Variants in ATP2C2 observed in about 807,000 individuals in gnomAD.
The protein encoded by ATP2C2 is ATPase secretory pathway Ca2+ transporting 2.
Under a neutral mutation model 110.8 loss-of-function variants are expected in ATP2C2, and 171 were observed. The observed-to-expected ratio is 1.54, with a 90% CI of 1.36 to 1.75. The LOEUF (loss-of-function observed/expected upper bound fraction) is 1.75. Ranked by LOEUF, ATP2C2 falls within the 40% of genes most tolerant of loss-of-function variation. ATP2C2 has a pLI of 0.00. For missense variants in ATP2C2, 1,963 were observed against 1,235.0 expected, an observed-to-expected ratio of 1.59 and a Z score of -8.84; for synonymous variants, 804 against 508.4, an observed-to-expected ratio of 1.58 and a Z score of -7.82.
At position 84,462,009 on chromosome 16, in the gene ATP2C2, G is replaced by T. The variant is rs374606644; in HGVS notation, c.2602G>T (p.Gly868Cys). ...RSQTKLIFEI[G>C]FLRNHMFLYS... ...GCAGACCAAGCTGATATTTGAGATC[G>T]GCTTTCTCAGGAACCACATGTTCCT... Residue 868 changes from glycine (G) to cysteine (C), a missense_variant, in exon 26 of 27, where the codon GGC becomes TGC. Coordinates refer to ENST00000262429, the MANE Select transcript of ATP2C2 (RefSeq NM_014861.4). The T allele has an allele frequency of 6.2e-7, 1 of 1,613,872 alleles. No homozygotes were observed. The highest frequency in any genetic ancestry group is 2.2e-5 in the East Asian group (1 of 44,866).
intron 1 of ATP2C2, among the ~76,000 whole-genome samples, chr16:84,383,380 C>G (rs1172693089): frequency 1.3e-5 from 2 of 152,188 alleles, no homozygotes; most frequent in African/African-American, 2.4e-5. Context: ...CAGCGCCTGC[C>G]AACTTGAACT....
intron 17 of ATP2C2, among the ~76,000 whole-genome samples, chr16:84,449,959 C>T (rs965907008): frequency 6.6e-6 from 1 of 152,222 alleles, no homozygotes; most frequent in African/African-American, 2.4e-5. Context: ...TGAGGCCACG[C>T]CCTGAATCCC....
intron 13 of ATP2C2, 73 bp downstream of exon 13, chr16:84,439,597 C>T: frequency 7.5e-7 from 1 of 1,330,528 alleles, no homozygotes; most frequent in South Asian, 1.2e-5. Flanking sequence ...ACTAAGCACA[C>T]AATGTCTTCT....
intron 1 of ATP2C2, among the ~76,000 whole-genome samples, chr16:84,393,291 A>C (rs1252168449): frequency 6.6e-6 from 1 of 152,174 alleles, no homozygotes; most frequent in Non-Finnish European, 1.5e-5. Context: ...ATTCTTAAGG[A>C]GATGAGGGGG....
chr16:84,405,046 C>G (rs750694052), intron 2 of ATP2C2, 82 bp from the exon 3 acceptor site: 2 of 1,190,960 alleles, frequency 1.7e-6, no homozygotes, highest in Middle Eastern at 1.9e-4. Flanking sequence ...AAGCCGCTGC[C>G]TTTCAGAGTG....
intron 10 of ATP2C2, among the ~76,000 whole-genome samples, chr16:84,423,601 T>G (rs1377337136): frequency 6.6e-6 from 1 of 152,206 alleles, no homozygotes; most frequent in Non-Finnish European, 1.5e-5. Flanking sequence ...CCTGTTACAT[T>G]GCTGCTCTAT....
At chr16:84,454,092 T>C (rs1353855083) in intron 20 of ATP2C2, among the ~76,000 whole-genome samples, 1 of 152,190 alleles carries the variant, frequency 6.6e-6, no homozygotes, top group Non-Finnish European at 1.5e-5. Context: ...CCGCCTATCT[T>C]CGCCTCCCAA....
At chr16:84,413,663 G>C (rs2150530978) in intron 6 of ATP2C2, among the ~76,000 whole-genome samples, 1 of 152,290 alleles carries the variant, frequency 6.6e-6, no homozygotes, top group East Asian at 1.9e-4. Flanking sequence ...ACTTCTAAAA[G>C]ACGGTTTTAT....
chr16:84,388,765 T>G (rs561548253), intron 1 of ATP2C2, among the ~76,000 whole-genome samples: 78 of 152,242 alleles, frequency 5.1e-4, no homozygotes, highest in Non-Finnish European at 7.5e-4. Context: ...TTTTTTTGTT[T>G]TGTTTTATTT....
chr16:84,460,980 T>C (rs2432112), intron 24 of ATP2C2, 179 bp downstream of exon 24: 869,378 of 879,472 alleles, frequency 0.99, 429,784 homozygotes, highest in East Asian at 1. Context: ...TGGGTGACCC[T>C]TGAAAGAAGG....
chr16:84,415,566 TCCCTGCA>T lies in ATP2C2; in HGVS notation c.600_606del (p.Ile200MetfsTer32). 6.2e-7 allele frequency: 1 copy of T among 1,613,986 alleles called. No homozygotes were observed. ...GTATCTCTCTCGATCGGAGACCGGA[TCCCTGCA>T]GACATCCGACTCACTGAGGTGAGTG... On this transcript the variant is annotated frameshift_variant, in exon 7 of 27. Transcript: ENST00000262429. LOFTEE classifies it high-confidence loss of function.
chr16:84,456,257 C>T (rs2150590269), intron 21 of ATP2C2, among the ~76,000 whole-genome samples: 2 of 133,904 alleles, frequency 1.5e-5, no homozygotes. Context: ...CCATCTGGTC[C>T]TGGACTCTTT....
chr16:84,421,704 G>A (rs1451478666), intron 7 of ATP2C2, among the ~76,000 whole-genome samples: 5 of 152,106 alleles, frequency 3.3e-5, no homozygotes, highest in East Asian at 1.9e-4. Context: ...CCAGAGCTTC[G>A]GTTCAAATCT....
chr16:84,452,189 G>C (rs1910349058), intron 18 of ATP2C2, 98 bp downstream of exon 18: 3 of 1,450,100 alleles, frequency 2.1e-6, no homozygotes, highest in Non-Finnish European at 2.8e-6. Flanking sequence ...ACTCGGTCAG[G>C]AGTGCTCACG....
In ATP2C2 at chr16:84,453,119, A is replaced by C. The variant is rs770659054; in HGVS notation, c.1832-19A>C. ...GACGCGGGCCTCAGAGCAGGCCCTC[A>C]GAACAGGTTCTTCTGAAGGAAGAAA... On this transcript the variant is annotated intron_variant, in intron 18 of 26. Coordinates refer to ENST00000262429, the MANE Select transcript of ATP2C2 (RefSeq NM_014861.4). 9 of 1,592,908 alleles carry C rather than the reference A, an allele frequency of 5.7e-6. No individual in the cohort carries two copies. The African/African-American group carries it at 1.1e-4, about 19-fold the overall frequency.
intron 21 of ATP2C2, among the ~76,000 whole-genome samples, chr16:84,458,446 GTAAC>G (rs766044381): frequency 3.8e-4 from 56 of 145,680 alleles, no homozygotes; most frequent in South Asian, 1.6e-3. Context: ...GTATACATAT[GTAAC>G]TAACCTGCAC....
chr16:84,395,222 G>T (rs1289719084), intron 1 of ATP2C2, among the ~76,000 whole-genome samples: 1 of 152,002 alleles, frequency 6.6e-6, no homozygotes, highest in African/African-American at 2.4e-5. Context: ...TCTGGACTCT[G>T]CCCCTGCAGT....
chr16:84,410,460 CAAG>C, intron 4 of ATP2C2, 105 bp from the exon 5 acceptor site: 1 of 1,314,884 alleles, frequency 7.6e-7, no homozygotes, highest in Admixed American at 1.7e-5. Flanking sequence ...ACATGTTTTG[CAAG>C]AAGAAAGGAA....
chr16:84,402,772 G>T (rs1204497159), intron 2 of ATP2C2, among the ~76,000 whole-genome samples: 1 of 152,098 alleles, frequency 6.6e-6, no homozygotes, highest in African/African-American at 2.4e-5. Flanking sequence ...ATGTGTCTTT[G>T]TCTGGTTTTG....
Sources: allele counts gnomAD v4.1 joint callset (sites outside exome capture counted in the v4.1 genomes callset), GRCh38; gene constraint gnomAD v4.1.1; transcripts MANE v1.5; gene names NCBI Gene and HGNC (gene_info 2026-07-23, HGNC 2026-07-21).